ABR: variants seen among roughly 807,000 people sequenced by gnomAD.
ABR encodes the protein active breakpoint cluster region-related protein.
In ABR, 35 loss-of-function variants were observed where a neutral mutation model predicts 107.2. The ratio of observed to expected loss-of-function variants is 0.33; its 90% confidence interval spans 0.25 to 0.43. ABR has a LOEUF of 0.43. Among genes scored for constraint, ABR ranks in the 20% least tolerant of loss-of-function variants. The pLI, the probability that ABR is intolerant of heterozygous loss-of-function variation, is 1.00. For missense variants in ABR, 815 were observed against 1,115.2 expected, an observed-to-expected ratio of 0.73 and a Z score of 3.83; for synonymous variants, 498 against 462.0, an observed-to-expected ratio of 1.08 and a Z score of -1.00.
intron 1 of ABR, among the ~76,000 whole-genome samples, chr17:1,140,217 G>A (rs955113346): frequency 4.6e-5 from 7 of 152,194 alleles, no homozygotes; most frequent in African/African-American, 1.7e-4. Context: ...CTGAAAATGC[G>A]GCCACAGCAG....
rs531665403 is a variant in ABR at position 1,036,467 on chromosome 17, G to A, written c.1791+13583C>T. Reference sequence around the variant, plus strand: ...AGCTGGGGGACAAGAAGGTGCTGGAGGAGAGCAGGGCGGACCCGAGGCTGG... The same window carrying A: ...AGCTGGGGGACAAGAAGGTGCTGGAAGAGAGCAGGGCGGACCCGAGGCTGG... On this transcript the variant is annotated intron_variant, in intron 16 of 22. Transcript: ENST00000302538. Among the ~76,000 whole-genome samples, 16 of 151,510 alleles carry A rather than the reference G, an allele frequency of 1.1e-4. 1 individual carries two copies. In the East Asian group the frequency reaches 2.3e-3, roughly 22 times the overall value.
rs565130978 is a variant in ABR at position 1,125,377 on chromosome 17, G to C, written c.62-10C>G. On this transcript the variant is annotated splice_polypyrimidine_tract_variant and intron_variant, in intron 1 of 22. Coordinates refer to ENST00000302538, the MANE Select transcript of ABR (RefSeq NM_021962.5). ...GTCCCGTAGCTGAAGTCTGAGACAA[G>C]GAACAAGAAAGGCCACTGAGAATCC... The C allele has an allele frequency of 6.2e-7, 1 of 1,612,184 alleles. No homozygotes were observed. The highest frequency in any genetic ancestry group is 8.5e-7 in the Non-Finnish European group (1 of 1,179,964).
chr17:1,089,616 A>G (rs2036882247), intron 4 of ABR, among the ~76,000 whole-genome samples: 1 of 152,152 alleles, frequency 6.6e-6, no homozygotes, highest in East Asian at 1.9e-4. Context: ...GTCACGGTGC[A>G]TTCACTCATT....
At chr17:1,039,823 G>A (rs1014340809) in intron 16 of ABR, among the ~76,000 whole-genome samples, 1 of 152,222 alleles carries the variant, frequency 6.6e-6, no homozygotes, top group South Asian at 2.1e-4. Context: ...GCCAGGAGCC[G>A]AGGCGGGGCC....
chr17:1,118,072 G>GT (rs2039122524), intron 2 of ABR, among the ~76,000 whole-genome samples: 2 of 43,238 alleles, frequency 4.6e-5, no homozygotes, highest in Non-Finnish European at 9.9e-5. Context: ...CTGAGCCTGA[G>GT]TCCTTCCCAG....
At chr17:1,222,748 C>T (rs998202674) in intron 1 of ABR, among the ~76,000 whole-genome samples, 4 of 151,980 alleles carry the variant, frequency 2.6e-5, no homozygotes, top group Admixed American at 6.6e-5. Context: ...CCCGTCTCTA[C>T]AAAAAATTAA....
chr17:1,017,122 G>A (rs1296726810), intron 16 of ABR, among the ~76,000 whole-genome samples: 1 of 152,094 alleles, frequency 6.6e-6, no homozygotes, highest in Non-Finnish European at 1.5e-5. Flanking sequence ...GCCCCTCAGG[G>A]AGAACCACTG....
intron 1 of ABR, among the ~76,000 whole-genome samples, chr17:1,217,725 T>C (rs961000904): frequency 1.3e-5 from 2 of 152,146 alleles, no homozygotes; most frequent in African/African-American, 4.8e-5. Context: ...GACGGAGTCT[T>C]GCTCTGTGGC....
At chr17:1,009,271 C>T (rs544953551) in intron 21 of ABR, among the ~76,000 whole-genome samples, 57 of 138,132 alleles carry the variant, frequency 4.1e-4, no homozygotes, top group African/African-American at 1.5e-3. Flanking sequence ...CTGTCCACCC[C>T]CCACTGCTGT....
Position 1,179,669 on chromosome 17 carries a change from C to T in ABR, c.59G>A (p.Ser20Asn). The T allele has an allele frequency of 6.4e-7, 1 of 1,566,652 alleles. No individual in the cohort carries two copies. Among genetic ancestry groups the T allele is most frequent in the East Asian group, 2.5e-5 (1 of 39,830 alleles). Residue 20 changes from serine to asparagine, a missense_variant and splice_region_variant, in exon 1 of 23, where the codon AGC becomes AAC. Transcript: ENST00000302538. The surrounding 1 kb of genome is among the most constrained non-coding windows in gnomAD (Gnocchi z 4.9). ...PRLSWIDTLY[S>N]NFSYGTDEYD... ...CCGCCCCCGCCCGGCACACGTACTG[C>T]TGTAGAGGGTGTCGATCCAGGACAG...
rs1185867181 is a variant in ABR at position 1,037,924 on chromosome 17, A to G, written c.1791+12126T>C. On this transcript the variant is annotated intron_variant, in intron 16 of 22. Coordinates refer to ENST00000302538, the MANE Select transcript of ABR (RefSeq NM_021962.5). The surrounding 1 kb of genome is among the most constrained non-coding windows in gnomAD (Gnocchi z 4.6). The stretch of plus-strand genomic sequence containing the variant: ...CAGTTTCCACAGCTGTCAAATCAGG[A>G]GCTCGGAACAGACACATGGTCTCCG... 6.6e-6 allele frequency among the ~76,000 whole-genome samples: 1 copy of G among 152,130 alleles called. No individual in the cohort carries two copies. The highest frequency in any genetic ancestry group is 2.4e-5 in the African/African-American group (1 of 41,410).
rs1023331224 is a variant in ABR at position 1,050,348 on chromosome 17, G to T, written c.1660-167C>A. 2.0e-5 allele frequency among the ~76,000 whole-genome samples: 3 copies of T among 152,188 alleles called. No homozygotes were observed. Among genetic ancestry groups the T allele is most frequent in the Non-Finnish European group, 2.9e-5 (2 of 68,028 alleles). On this transcript the variant is annotated intron_variant, in intron 15 of 22. Transcript: ENST00000302538. This position sits in a 1 kb window ranked among gnomAD's most constrained non-coding sequence, Gnocchi z 4.6. ...AGGCCTCCCATCACCCCTGGAGTCT[G>T]GGGGCCTGAGCTGACACCACAGGGT...
At chr17:1,191,482 C>T (rs967256543), upstream of ABR, among the ~76,000 whole-genome samples, 4 of 151,544 alleles carry the variant, frequency 2.6e-5, no homozygotes, top group African/African-American at 9.7e-5. Flanking sequence ...CTCAGCCTCC[C>T]GAGTAGCTGG....
chr17:1,088,993 T>C (rs2036831799), intron 4 of ABR, among the ~76,000 whole-genome samples: 1 of 150,912 alleles, frequency 6.6e-6, no homozygotes, highest in Non-Finnish European at 1.5e-5. Flanking sequence ...CCTCCCAGGT[T>C]CAAGCGATTC....
chr17:1,100,120 C>T (rs778427180), intron 3 of ABR, among the ~76,000 whole-genome samples: 173 of 132,116 alleles, frequency 1.3e-3, no homozygotes, highest in Non-Finnish European at 2.0e-3. Context: ...GAGCAAAGCT[C>T]CGTCTTAAAA....
intron 1 of ABR, among the ~76,000 whole-genome samples, chr17:1,185,737 A>G (rs1251443316): frequency 6.6e-6 from 1 of 151,266 alleles, no homozygotes; most frequent in Non-Finnish European, 1.5e-5. Context: ...TATGAGCACT[A>G]GCAGAATACA....
intron 1 of ABR, among the ~76,000 whole-genome samples, chr17:1,156,770 C>T (rs2041062153): frequency 6.6e-6 from 1 of 152,138 alleles, no homozygotes; most frequent in East Asian, 1.9e-4. Context: ...CACTACTATC[C>T]CCATTTCATA....
Position 1,147,263 on chromosome 17 carries a change from G to A in ABR, c.62-21896C>T, listed in dbSNP as rs147326247. Among the ~76,000 whole-genome samples, 323 of 152,290 alleles carry A rather than the reference G, an allele frequency of 2.1e-3. 2 individuals are homozygous for A. Among genetic ancestry groups the A allele is most frequent in the Non-Finnish European group, 3.6e-3 (245 of 68,020 alleles). On this transcript the variant is annotated intron_variant, in intron 1 of 22. Transcript: ENST00000302538. ...AGGCTGGGTCCCGGCATGACCACGGGGAGCAGAGCCCCCCGTCTACCAGGA... is the reference window on the plus strand; with the variant it reads ...AGGCTGGGTCCCGGCATGACCACGGAGAGCAGAGCCCCCCGTCTACCAGGA...
At chr17:1,211,333 AT>A (rs1223588262) in intron 1 of ABR, among the ~76,000 whole-genome samples, 1 of 151,960 alleles carries the variant, frequency 6.6e-6, no homozygotes, top group East Asian at 1.9e-4. Flanking sequence ...ATAAATAAAA[AT>A]ATGGATTCCA....
Sources: gnomAD v4.1 joint callset for allele counts (sites outside exome capture counted in the v4.1 genomes callset) on GRCh38, gnomAD v4.1.1 for gene constraint, Gnocchi (gnomAD v3.1) non-coding constraint, MANE v1.5 for transcripts, NCBI Gene and HGNC (gene_info 2026-07-23, HGNC 2026-07-21) for gene names.